The following C2CD3 variants were observed in gnomAD, a reference collection of about 807,000 sequenced individuals.
The protein encoded by C2CD3 is C2 domain-containing protein 3.
Under a neutral mutation model 234.0 loss-of-function variants are expected in C2CD3, and 148 were observed. The ratio of observed to expected loss-of-function variants is 0.63; its 90% confidence interval spans 0.55 to 0.72. The LOEUF is 0.72. Among genes scored for constraint, C2CD3 ranks in the 30% least tolerant of loss-of-function variants. The probability of loss-of-function intolerance (pLI) is 0.00; values close to 1 mark genes in which losing one functional copy is unlikely to be tolerated. For synonymous variants in C2CD3, 1,000 were observed against 1,035.4 expected, an observed-to-expected ratio of 0.97 and a Z score of 0.66; for missense variants, 2,577 against 2,811.5, an observed-to-expected ratio of 0.92 and a Z score of 1.89.
chr11:74,163,208 G>C (rs1856587240), intron 2 of C2CD3, among the ~76,000 whole-genome samples: 1 of 152,286 alleles, frequency 6.6e-6, no homozygotes, highest in South Asian at 2.1e-4. Context: ...ATATTCACAA[G>C]CTATTTCTGT....
intron 13 of C2CD3, among the ~76,000 whole-genome samples, chr11:74,103,827 A>C (rs1956414093): frequency 6.6e-6 from 1 of 152,240 alleles, no homozygotes; most frequent in Non-Finnish European, 1.5e-5. Context: ...TCAATAACAA[A>C]AGATGAGCCT....
At chr11:74,048,099 C>T in intron 28 of C2CD3, 106 bp downstream of exon 28, 6 of 1,216,824 alleles carry the variant, frequency 4.9e-6, no homozygotes, top group South Asian at 3.0e-5. Flanking sequence ...AAGCTCTTAC[C>T]CTGTCTTGTT....
chr11:74,093,867 G>C lies in C2CD3; in HGVS notation c.3293C>G (p.Ser1098Cys). Residue 1098 changes from serine to cysteine, a missense_variant, in exon 18 of 33, where the codon TCT becomes TGT. Physicochemically the swap from Ser to Cys is moderately radical, Grantham distance 112. Transcript: ENST00000334126. ...PVQRLLLSAFSAQGLVPGGGV... is the reference protein window; with the variant it reads ...PVQRLLLSAFCAQGLVPGGGV... Reference sequence around the variant, plus strand: ...ACCTCCAGGCACGAGGCCCTGTGCAGAGAAAGCACTTAGTAGGAGCCTTTG... The same window carrying C: ...ACCTCCAGGCACGAGGCCCTGTGCACAGAAAGCACTTAGTAGGAGCCTTTG... 1 of 1,614,096 alleles carries C rather than the reference G, an allele frequency of 6.2e-7. No individual in the cohort carries two copies. The highest frequency in any genetic ancestry group is 8.5e-7 in the Non-Finnish European group (1 of 1,179,962).
chr11:74,073,107 A>G (rs1281409761), intron 24 of C2CD3, among the ~76,000 whole-genome samples: 1 of 149,842 alleles, frequency 6.7e-6, no homozygotes, highest in Admixed American at 6.6e-5. Context: ...TCTTTGTGCC[A>G]TGGACTCTGG....
chr11:74,080,349 T>G (rs699141), intron 22 of C2CD3, among the ~76,000 whole-genome samples: 9,236 of 152,202 alleles, frequency 0.061, 882 homozygotes, highest in African/African-American at 0.2. Context: ...TTTTGATCTC[T>G]AAGGCTCTTT....
In C2CD3 at chr11:74,161,411, A is replaced by G; in HGVS notation, c.471T>C (p.Leu157=). 1 of 1,574,234 alleles carries G rather than the reference A, an allele frequency of 6.4e-7. No individual in the cohort carries two copies. The highest frequency in any genetic ancestry group is 8.6e-7 in the Non-Finnish European group (1 of 1,164,778). ...AATATATTTTTACCTGGAGTTCTCC[A>G]AGTTTCTTAGACGTTGATGAAACAA... ...FTIVSSTSKK[L]GELQVSLALE... Residue 157 remains leucine (L), a synonymous_variant, in exon 3 of 33, where the codon CTT becomes CTC. Coordinates refer to ENST00000334126, the MANE Select transcript of C2CD3 (RefSeq NM_001286577.2).
At chr11:74,040,348 T>TG (rs1811973221) in intron 29 of C2CD3, among the ~76,000 whole-genome samples, 1 of 152,312 alleles carries the variant, frequency 6.6e-6, no homozygotes, top group Admixed American at 6.5e-5. Context: ...CCAAAAAGGT[T>TG]GGGGCTGCTG....
rs1441565661 is a variant in C2CD3 at position 74,093,873 on chromosome 11, G to A, written c.3287C>T (p.Ala1096Val). Residue 1096 changes from alanine (A) to valine (V), a missense_variant, in exon 18 of 33, where the codon GCT (alanine) becomes GTT (valine). Transcript: ENST00000334126. ...AGGCACGAGGCCCTGTGCAGAGAAA[G>A]CACTTAGTAGGAGCCTTTGCACTGG... ...EVPVQRLLLS[A>V]FSAQGLVPGG... 3 of 1,613,988 alleles carry A rather than the reference G, an allele frequency of 1.9e-6. No homozygotes were observed. In the East Asian group the frequency reaches 6.7e-5, roughly 36 times the overall value.
intron 2 of C2CD3, chr11:74,164,189 T>C (rs1856657487): frequency 1.1e-5 from 11 of 967,150 alleles, no homozygotes; most frequent in Non-Finnish European, 1.2e-5. Context: ...GAATCCCTAC[T>C]GTCCAGCACT....
intron 7 of C2CD3, chr11:74,129,430 C>T (rs1590888486): frequency 5.7e-6 from 1 of 176,700 alleles, no homozygotes; most frequent in Non-Finnish European, 1.2e-5. Flanking sequence ...TCCTCACATC[C>T]CAGACGGGGC....
chr11:74,035,559 G>C (rs971150370), intron 30 of C2CD3, among the ~76,000 whole-genome samples: 1 of 152,092 alleles, frequency 6.6e-6, no homozygotes, highest in East Asian at 1.9e-4. Context: ...TGTATCTCTA[G>C]GGCCTAGCCT....
intron 31 of C2CD3, among the ~76,000 whole-genome samples, chr11:74,029,699 T>G (rs541684981): frequency 3.3e-4 from 51 of 152,350 alleles, no homozygotes; most frequent in African/African-American, 1.2e-3. Flanking sequence ...CCCAGCCCAT[T>G]GCCTCATGTG....
intron 10 of C2CD3, 24 bp from the exon 11 acceptor site, chr11:74,113,916 A>G: frequency 7.4e-7 from 1 of 1,343,264 alleles, no homozygotes; most frequent in Middle Eastern, 1.9e-4. Context: ...AAAAGTGATT[A>G]AAAACTAACC....
At chr11:74,115,971 G>A (rs965341583) in intron 9 of C2CD3, among the ~76,000 whole-genome samples, 3 of 151,948 alleles carry the variant, frequency 2.0e-5, no homozygotes, top group African/African-American at 7.3e-5. Context: ...TAAAACTATC[G>A]ACTCAAGATG....
chr11:74,106,569 A>C, intron 12 of C2CD3, 76 bp from the exon 13 acceptor site: 1 of 1,351,248 alleles, frequency 7.4e-7, no homozygotes, highest in Non-Finnish European at 1.0e-6. Flanking sequence ...GTGACAACAT[A>C]TGATGGCTTA....
chr11:74,026,417 G>T (rs1952302378), intron 32 of C2CD3, among the ~76,000 whole-genome samples: 1 of 152,140 alleles, frequency 6.6e-6, no homozygotes, highest in East Asian at 1.9e-4. Flanking sequence ...AAGAGGATGG[G>T]GAAAGGAAAC....
chr11:74,049,319 G>C lies in C2CD3; in HGVS notation c.5361+18C>G, dbSNP rs776025758. The C allele has an allele frequency of 1.2e-6, 2 of 1,602,544 alleles. No individual in the cohort carries two copies. Among genetic ancestry groups the C allele is most frequent in the South Asian group, 2.2e-5 (2 of 90,868 alleles). On this transcript the variant is annotated intron_variant, in intron 27 of 32. Coordinates refer to ENST00000334126, the MANE Select transcript of C2CD3 (RefSeq NM_001286577.2). The stretch of plus-strand genomic sequence containing the variant: ...AGTACAATTCGTATTGGTTAGGGAT[G>C]TGAATCTCCATACATACCAGTGATT...
At position 74,078,448 on chromosome 11, in the gene C2CD3, C is replaced by T; in HGVS notation, c.4270G>A (p.Ala1424Thr). The change falls in exon 23 of 33, where the codon GCT becomes ACT. Residue 1424 changes from alanine to threonine, a missense_variant. Transcript: ENST00000334126. Reference sequence around the variant, plus strand: ...TTCTTATGAATGTGGTTGTGGCCAGCAAGCAGCACACAATGGATGGGCAGC... The same window carrying T: ...TTCTTATGAATGTGGTTGTGGCCAGTAAGCAGCACACAATGGATGGGCAGC... Reference protein sequence around the residue: ...LWLPIHCVLLAGHNHIHKNTY... With the variant: ...LWLPIHCVLLTGHNHIHKNTY... The T allele has an allele frequency of 1.2e-6, 2 of 1,614,172 alleles. No homozygotes were observed. The highest frequency in any genetic ancestry group is 1.7e-5 in the Admixed American group (1 of 60,024).
At chr11:74,119,470 C>T (rs1441142250) in intron 8 of C2CD3, among the ~76,000 whole-genome samples, 2 of 151,902 alleles carry the variant, frequency 1.3e-5, no homozygotes, top group Non-Finnish European at 2.9e-5. Context: ...ATAAAGCTTG[C>T]TAATATAATA....
Sources: allele counts gnomAD v4.1 joint callset (sites outside exome capture counted in the v4.1 genomes callset), GRCh38; gene constraint gnomAD v4.1.1; transcripts MANE v1.5; gene names NCBI Gene and HGNC (gene_info 2026-07-23, HGNC 2026-07-21).